The following SORCS3 variants were observed in gnomAD, a reference collection of about 807,000 sequenced individuals.
SORCS3 encodes sortilin related VPS10 domain containing receptor 3, also known as VPS10 domain-containing receptor SorCS3.
SORCS3 carries 57 observed loss-of-function variants against 146.3 expected under a neutral mutation model. That is an observed-to-expected ratio of 0.39 (90% CI 0.31 to 0.49). The LOEUF (loss-of-function observed/expected upper bound fraction) is 0.49, where lower values mean the gene tolerates loss of function less well. Ranked by LOEUF, SORCS3 falls within the 20% of genes least tolerant of loss-of-function variation. The pLI is 0.92. For missense variants in SORCS3, 1,341 were observed against 1,575.5 expected, an observed-to-expected ratio of 0.85 and a Z score of 2.52; for synonymous variants, 653 against 618.5, an observed-to-expected ratio of 1.06 and a Z score of -0.83.
intron 2 of SORCS3, among the ~76,000 whole-genome samples, chr10:104,863,140 T>C (rs1221056514): frequency 6.6e-6 from 1 of 152,196 alleles, no homozygotes; most frequent in Admixed American, 6.5e-5. Flanking sequence ...ATTTGGATGA[T>C]AAACACAAAT....
At chr10:104,660,131 G>A (rs1216494485) in intron 1 of SORCS3, among the ~76,000 whole-genome samples, 2 of 152,156 alleles carry the variant, frequency 1.3e-5, no homozygotes, top group Admixed American at 6.6e-5. Flanking sequence ...GTGGAGATGT[G>A]CATCTTGAAA....
intron 2 of SORCS3, among the ~76,000 whole-genome samples, chr10:104,910,692 T>A (rs574878832): frequency 5.9e-5 from 9 of 152,336 alleles, no homozygotes; most frequent in Admixed American, 5.2e-4. Context: ...TGATGGGCAT[T>A]GCATTGTGTT....
rs2015425226 is a variant in SORCS3 at position 104,641,957 on chromosome 10, G to A, written c.627+3G>A. 1.5e-6 allele frequency: 2 copies of A among 1,325,768 alleles called. No individual in the cohort carries two copies. Among genetic ancestry groups the A allele is most frequent in the African/African-American group, 1.6e-5 (1 of 63,472 alleles). 82.1% of individuals were successfully genotyped at this position (1,325,768 alleles called of 1,614,324 possible). ...ACTGGTCGGGACACAACAGCAGCGT[G>A]AGTACCCACCCGGCGGCGGGTCCGC... On this transcript the variant is annotated splice_donor_region_variant and intron_variant, in intron 1 of 26. Coordinates refer to ENST00000369701, the MANE Select transcript of SORCS3 (RefSeq NM_014978.3). This position sits in a 1 kb window ranked among gnomAD's most constrained non-coding sequence, Gnocchi z 6.4.
chr10:104,706,443 G>A (rs1423114995), intron 1 of SORCS3, among the ~76,000 whole-genome samples: 3 of 151,922 alleles, frequency 2.0e-5, no homozygotes, highest in South Asian at 2.1e-4. Flanking sequence ...TCTTGACCTC[G>A]TGATCCGCCC....
chr10:104,786,667 G>A (rs149585257), intron 1 of SORCS3, among the ~76,000 whole-genome samples: 133 of 152,150 alleles, frequency 8.7e-4, no homozygotes, highest in African/African-American at 2.6e-3. Context: ...AATGGCTTCA[G>A]GTTCAGGTGC....
intron 4 of SORCS3, among the ~76,000 whole-genome samples, chr10:104,990,908 C>A (rs1252866428): frequency 6.6e-6 from 1 of 152,176 alleles, no homozygotes; most frequent in African/African-American, 2.4e-5. Flanking sequence ...ACTTCCAGAG[C>A]TGTTCTAGAA....
intron 5 of SORCS3, among the ~76,000 whole-genome samples, chr10:105,080,300 T>TAATGA (rs2055614334): frequency 6.6e-6 from 1 of 152,252 alleles, no homozygotes; most frequent in Non-Finnish European, 1.5e-5. Context: ...TGCATTTCTC[T>TAATGA]AATGATCAAT....
intron 8 of SORCS3, 65 bp downstream of exon 8, chr10:105,139,551 T>C: frequency 7.9e-7 from 1 of 1,267,212 alleles, no homozygotes; most frequent in Non-Finnish European, 1.1e-6. Context: ...AGAGGCTGCT[T>C]TGTTGGGCTA....
At chr10:105,101,345 G>C (rs1033930927) in intron 6 of SORCS3, among the ~76,000 whole-genome samples, 2 of 152,130 alleles carry the variant, frequency 1.3e-5, no homozygotes, top group Non-Finnish European at 2.9e-5. Context: ...TGACCGCCAG[G>C]CCTGCCTGAC....
At chr10:105,255,653 G>T in intron 23 of SORCS3, 49 bp from the exon 24 acceptor site, 2 of 1,270,462 alleles carry the variant, frequency 1.6e-6, no homozygotes. Context: ...CCATGAGGGA[G>T]CATCATTGCA....
intron 2 of SORCS3, among the ~76,000 whole-genome samples, chr10:104,908,408 C>T (rs534442349): frequency 6.6e-6 from 1 of 152,130 alleles, no homozygotes; most frequent in Non-Finnish European, 1.5e-5. Flanking sequence ...CAGGGGTATT[C>T]ATAAAAATGA....
chr10:105,026,637 G>A (rs754054106), intron 4 of SORCS3, among the ~76,000 whole-genome samples: 6 of 152,134 alleles, frequency 3.9e-5, no homozygotes, highest in East Asian at 3.9e-4. Context: ...CATGGAATAC[G>A]ACACAGCTGT....
chr10:104,723,725 T>C lies in SORCS3; in HGVS notation c.627+81771T>C, dbSNP rs542959888. ...TTCTTGTTGAATTGATCCCTTTCCA[T>C]TGTGTAATGACCTTTGTCTCTTTTG... On this transcript the variant is annotated intron_variant, in intron 1 of 26. Transcript: ENST00000369701. 9.8e-5 allele frequency among the ~76,000 whole-genome samples: 15 copies of C among 152,350 alleles called. No individual in the cohort carries two copies. The South Asian group carries it at 2.1e-3, about 21-fold the overall frequency.
chr10:105,220,295 G>A (rs2056693009), intron 19 of SORCS3, among the ~76,000 whole-genome samples: 1 of 152,162 alleles, frequency 6.6e-6, no homozygotes, highest in South Asian at 2.1e-4. Context: ...TTGTCCTGAA[G>A]CTGAATAAAT....
At chr10:105,251,010 C>G (rs2056894747) in intron 22 of SORCS3, among the ~76,000 whole-genome samples, 1 of 152,208 alleles carries the variant, frequency 6.6e-6, no homozygotes, top group Non-Finnish European at 1.5e-5. Context: ...AATTTTTACT[C>G]TGTGTCAAGC....
At position 105,054,665 on chromosome 10, in the gene SORCS3, A is replaced by G. The variant is rs1010417024; in HGVS notation, c.1028+11537A>G. Among the ~76,000 whole-genome samples the G allele has an allele frequency of 4.6e-5, 7 of 151,794 alleles. No homozygotes were observed. In the East Asian group the frequency reaches 1.4e-3, roughly 29 times the overall value. On this transcript the variant is annotated intron_variant, in intron 5 of 26. Transcript: ENST00000369701. ...CTGGTTTCCTCTGACGGTTTTTTAC[A>G]TAAGATAAACTCTGGTCAGAGGTTA... is the stretch of plus-strand genomic sequence containing the variant.
intron 1 of SORCS3, among the ~76,000 whole-genome samples, chr10:104,706,253 A>T (rs1232435721): frequency 8.7e-5 from 11 of 126,194 alleles, no homozygotes; most frequent in Non-Finnish European, 1.6e-4. Flanking sequence ...CTGTGGCCAG[A>T]CTGGAGTGCA....
intron 7 of SORCS3, among the ~76,000 whole-genome samples, chr10:105,108,878 T>G (rs1423997232): frequency 6.6e-6 from 1 of 152,180 alleles, no homozygotes; most frequent in East Asian, 1.9e-4. Context: ...ATCATCAGCA[T>G]TTAATCCACC....
intron 16 of SORCS3, among the ~76,000 whole-genome samples, chr10:105,208,362 AAG>A (rs1279038596): frequency 6.6e-6 from 1 of 151,106 alleles, no homozygotes; most frequent in Non-Finnish European, 1.5e-5. Context: ...AAAAAAAAAA[AAG>A]AGAAATAAGA....
Sources: allele counts gnomAD v4.1 joint callset (sites outside exome capture counted in the v4.1 genomes callset), GRCh38; gene constraint gnomAD v4.1.1; non-coding constraint Gnocchi (gnomAD v3.1); transcripts MANE v1.5; gene names NCBI Gene and HGNC (gene_info 2026-07-23, HGNC 2026-07-21).